POLL: variants seen among roughly 807,000 people sequenced by gnomAD.
POLL encodes the protein DNA polymerase lambda.
In POLL, 44 loss-of-function variants were observed where a neutral mutation model predicts 58.1. That is an observed-to-expected ratio of 0.76 (90% CI 0.60 to 0.97). The LOEUF is 0.97. Among genes scored for constraint, POLL ranks in the 50% least tolerant of loss-of-function variants. The pLI, the probability that POLL is intolerant of heterozygous loss-of-function variation, is 0.00. For missense variants in POLL, 632 were observed against 736.8 expected (o/e 0.86, Z 1.65); for synonymous variants, 290 against 283.2 (o/e 1.02, Z -0.24).
intron 2 of POLL, 113 bp from the exon 3 acceptor site, chr10:101,586,269 T>C: frequency 3.3e-6 from 3 of 914,644 alleles, no homozygotes; most frequent in African/African-American, 1.7e-5. Context: ...CACAGTCCCC[T>C]ACCCTGAAAA....
chr10:101,580,312 A>C lies in POLL; in HGVS notation c.1299T>G (p.Thr433=). The C allele has an allele frequency of 6.2e-7, 1 of 1,613,918 alleles. No individual in the cohort carries two copies. The highest frequency in any genetic ancestry group is 1.1e-5 in the South Asian group (1 of 91,074). The change falls in exon 8 of 9, where the codon ACT becomes ACG. Residue 433 remains threonine (T), a synonymous_variant. Transcript: ENST00000370162. The surrounding 1 kb of genome is among the most constrained non-coding windows in gnomAD (Gnocchi z 4.1). The stretch of plus-strand genomic sequence containing the variant: ...CCCGGTGGGACCGGCCATCTGGGTG[A>C]GTGATGAGCACGTCGACATCACCAC... The part of the protein sequence containing the change: ...ATCGDVDVLI[T]HPDGRSHRGI...
At chr10:101,581,852 C>G (rs2063010245) in intron 7 of POLL, 1 of 151,758 alleles carries the variant, frequency 6.6e-6, no homozygotes, top group African/African-American at 2.4e-5. Flanking sequence ...GTTGCCCAGG[C>G]TAGAGTGCAG....
Position 101,586,036 on chromosome 10 carries a change from C to T in POLL, c.236G>A (p.Gly79Asp), listed in dbSNP as rs754372306. The stretch of plus-strand genomic sequence containing the variant: ...TTCATCCACCACAATGTGAGTGACA[C>T]CTGGGCCCTGGGCAGGGCATAGCTG... ...GGQLCPAQGP[G>D]VTHIVVDEGM... is the part of the protein sequence containing the mutation. The change falls in exon 3 of 9, where the codon GGT (glycine) becomes GAT (aspartate). Residue 79 changes from glycine to aspartate, a missense_variant. Gly to Asp is a moderately conservative substitution (Grantham distance 94, BLOSUM62 -1). Transcript: ENST00000370162. 40 of 1,614,012 alleles carry T rather than the reference C, an allele frequency of 2.5e-5. No individual in the cohort carries two copies. The highest frequency in any genetic ancestry group is 3.0e-5 in the Non-Finnish European group (35 of 1,180,054).
intron 5 of POLL, 117 bp downstream of exon 5, chr10:101,584,485 T>C: frequency 1.7e-6 from 1 of 604,404 alleles, no homozygotes; most frequent in Non-Finnish European, 2.5e-6. Flanking sequence ...TTTTCCTTTT[T>C]TTTCTTTTGT....
chr10:101,579,478 C>T lies in POLL; in HGVS notation c.1703G>A (p.Arg568Gln), dbSNP rs573888152. 16 of 1,610,884 alleles carry T rather than the reference C, an allele frequency of 9.9e-6. No individual in the cohort carries two copies. The highest frequency in any genetic ancestry group is 3.3e-5 in the South Asian group (3 of 90,824). Residue 568 changes from arginine (R) to glutamine (Q), a missense_variant, in exon 9 of 9, where the codon CGA (arginine) becomes CAA (glutamine). Transcript: ENST00000370162. The surrounding 1 kb of genome is among the most constrained non-coding windows in gnomAD (Gnocchi z 4.4). ...TCACCAGTCCCGCTCAGCAGGTTCT[C>T]GGTAGGGGAGGCCTAAGAGCCTGAA... ...DVFRLLGLPY[R>Q]EPAERDW
At chr10:101,583,026 G>A in intron 6 of POLL, 135 bp from the exon 7 acceptor site, 1 of 959,560 alleles carries the variant, frequency 1.0e-6, no homozygotes, top group East Asian at 2.6e-5. Flanking sequence ...AGGGGCAGTT[G>A]GGTCTGTACT....
Position 101,583,561 on chromosome 10 carries a change from A to G in POLL, c.1012T>C (p.Phe338Leu). 1 of 1,613,942 alleles carries G rather than the reference A, an allele frequency of 6.2e-7. No homozygotes were observed. Among genetic ancestry groups the G allele is most frequent in the Admixed American group, 1.7e-5 (1 of 60,020 alleles). Residue 338 changes from phenylalanine to leucine, a missense_variant, in exon 6 of 9, where the codon TTC (phenylalanine) becomes CTC (leucine). Coordinates refer to ENST00000370162, the MANE Select transcript of POLL (RefSeq NM_001174084.2). ...GTCCCAGCTCCCCAGATGTTGGAGA[A>G]GAGCTCCAAGACAGGCACGCTCTCA... ...ISESVPVLEL[F>L]SNIWGAGTKT...
Position 101,579,728 on chromosome 10 carries a change from G to A in POLL, c.1453C>T (p.Arg485Trp), listed in dbSNP as rs140396238. ...GVCRLPGPGR[R>W]HRRLDIIVVP... is the part of the protein sequence containing the mutation. Reference sequence around the variant, plus strand: ...ACGATGATGTCCAGGCGCCGGTGCCGCCGCCCTGGCCCTGGGAGCCGGCAC... The same window carrying A: ...ACGATGATGTCCAGGCGCCGGTGCCACCGCCCTGGCCCTGGGAGCCGGCAC... The change falls in exon 9 of 9, where the codon CGG becomes TGG. Residue 485 changes from arginine (R) to tryptophan (W), a missense_variant. Physicochemically the swap from Arg to Trp is moderately radical, Grantham distance 101. Coordinates refer to ENST00000370162, the MANE Select transcript of POLL (RefSeq NM_001174084.2). The surrounding 1 kb of genome is among the most constrained non-coding windows in gnomAD (Gnocchi z 4.4). The A allele has an allele frequency of 2.4e-5, 38 of 1,613,626 alleles. No homozygotes were observed. Among genetic ancestry groups the A allele is most frequent in the African/African-American group, 6.7e-5 (5 of 74,906 alleles).
rs2062848098 is a variant in POLL at position 101,579,393 on chromosome 10, T to C, written c.*60A>G. 5.9e-6 allele frequency: 9 copies of C among 1,531,340 alleles called. No individual in the cohort carries two copies. Among genetic ancestry groups the C allele is most frequent in the African/African-American group, 1.4e-5 (1 of 72,404 alleles). 94.9% of individuals were successfully genotyped at this position (1,531,340 alleles called of 1,614,324 possible). ...AGCCAGCTGAGGCTGGAGGGAGTAC[T>C]GGGTGGCCAGGAGGGGTAGCCAGTC... On this transcript the variant is annotated 3_prime_UTR_variant, in exon 9 of 9. Transcript: ENST00000370162. This position sits in a 1 kb window ranked among gnomAD's most constrained non-coding sequence, Gnocchi z 4.4.
intron 3 of POLL, 37 bp from the exon 4 acceptor site, chr10:101,585,515 G>C: frequency 6.8e-7 from 1 of 1,471,084 alleles, no homozygotes; most frequent in Non-Finnish European, 9.1e-7. Flanking sequence ...GACACCAAAG[G>C]TCTCACCCTG....
At chr10:101,584,534 T>G in intron 5 of POLL, 68 bp downstream of exon 5, 3 of 1,150,402 alleles carry the variant, frequency 2.6e-6, no homozygotes, top group Non-Finnish European at 3.6e-6. Flanking sequence ...CCACTGTACC[T>G]GAACCCCACT....
At chr10:101,585,086 C>T (rs375142236) in intron 4 of POLL, among the ~76,000 whole-genome samples, 167 bp from the exon 5 acceptor site, 3 of 152,304 alleles carry the variant, frequency 2.0e-5, no homozygotes, top group South Asian at 2.1e-4. Flanking sequence ...TGTGAGGCCA[C>T]GTTCCCTTTG....
chr10:101,585,989 G>A lies in POLL; in HGVS notation c.283C>T (p.Leu95Phe). 6.2e-7 allele frequency: 1 copy of A among 1,614,126 alleles called. No individual in the cohort carries two copies. Among genetic ancestry groups the A allele is most frequent in the Non-Finnish European group, 8.5e-7 (1 of 1,180,030 alleles). Residue 95 changes from leucine to phenylalanine, a missense_variant, in exon 3 of 9, where the codon CTC (leucine) becomes TTC (phenylalanine). Transcript: ENST00000370162. Reference protein sequence around the residue: ...VDEGMDYERALRLLRLPQLPP... With the variant: ...VDEGMDYERAFRLLRLPQLPP... The stretch of plus-strand genomic sequence containing the variant: ...AGCTGGGGTAGTCTGAGAAGGCGGA[G>A]GGCTCGCTCATAGTCCATGCCTTCA...
Position 101,584,626 on chromosome 10 carries a change from G to C in POLL, c.867C>G (p.Phe289Leu). ...YAKAINALKSFHKPVTSYQEA... is the reference protein window; with the variant it reads ...YAKAINALKSLHKPVTSYQEA... ...CCTGGTACGAGGTGACAGGCTTATG[G>C]AAGCTCTTGAGGGCATTGATGGCCT... Residue 289 changes from phenylalanine (F) to leucine (L), a missense_variant, in exon 5 of 9, where the codon TTC becomes TTG. Physicochemically the swap from Phe to Leu is conservative, Grantham distance 22. Coordinates refer to ENST00000370162, the MANE Select transcript of POLL (RefSeq NM_001174084.2). 1 of 1,587,708 alleles carries C rather than the reference G, an allele frequency of 6.3e-7. No homozygotes were observed. Among genetic ancestry groups the C allele is most frequent in the Non-Finnish European group, 8.6e-7 (1 of 1,166,350 alleles).
intron 4 of POLL, 93 bp downstream of exon 4, chr10:101,585,223 G>T: frequency 5.4e-6 from 6 of 1,104,054 alleles, no homozygotes; most frequent in Non-Finnish European, 7.7e-6. Context: ...TCTCTCAGGG[G>T]CCTGGGACTT....
At chr10:101,586,873 AC>A (rs1159959529) in intron 2 of POLL, among the ~76,000 whole-genome samples, 1 of 152,160 alleles carries the variant, frequency 6.6e-6, no homozygotes, top group Non-Finnish European at 1.5e-5. Context: ...GACAGACCCG[AC>A]AACCCTGCCT....
Position 101,588,166 on chromosome 10 carries a change from G to C in POLL, c.-391C>G. Reference sequence around the variant, plus strand: ...CCGGGTGGGGTCGACTACTGGCCAAGCTAGTCACCCGGGGGTGGGCAGGAA... The same window carrying C: ...CCGGGTGGGGTCGACTACTGGCCAACCTAGTCACCCGGGGGTGGGCAGGAA... On this transcript the variant is annotated 5_prime_UTR_variant, in exon 1 of 9. Coordinates refer to ENST00000370162, the MANE Select transcript of POLL (RefSeq NM_001174084.2). The C allele has an allele frequency of 6.6e-7, 1 of 1,523,186 alleles. No homozygotes were observed. Among genetic ancestry groups the C allele is most frequent in the Non-Finnish European group, 8.8e-7 (1 of 1,137,272 alleles). The allele number at this position is 1,523,186 out of a possible 1,614,324, so 94.4% of individuals were successfully genotyped here.
At position 101,586,254 on chromosome 10, in the gene POLL, G is replaced by A. The variant is rs1249790238; in HGVS notation, c.116-98C>T. On this transcript the variant is annotated intron_variant, in intron 2 of 8. Transcript: ENST00000370162. ...TAACTTCTAACATGATCTGAATGACGTGTTCACAGTCCCCTACCCTGAAAA... is the reference window on the plus strand; with the variant it reads ...TAACTTCTAACATGATCTGAATGACATGTTCACAGTCCCCTACCCTGAAAA... The A allele has an allele frequency of 5.8e-6, 6 of 1,034,160 alleles. No homozygotes were observed. In the Admixed American group the frequency reaches 6.5e-5, roughly 11 times the overall value. The allele number at this position is 1,034,160 out of a possible 1,614,324, so 64.1% of individuals were successfully genotyped here. A position where few individuals can be genotyped will look rare whatever the true frequency, so the allele number is the denominator to read the frequency against.
In POLL at chr10:101,588,139, C is replaced by G. The variant is rs1340364909; in HGVS notation, c.-364G>C. 2.0e-6 allele frequency: 3 copies of G among 1,514,110 alleles called. No individual in the cohort carries two copies. Among genetic ancestry groups the G allele is most frequent in the Non-Finnish European group, 2.6e-6 (3 of 1,132,804 alleles). The allele number at this position is 1,514,110 out of a possible 1,614,324, so 93.8% of individuals were successfully genotyped here. ...AGTCTCTCCAACCCCCAGAGTCGGTCCCCGGGTGGGGTCGACTACTGGCCA... is the reference window on the plus strand; with the variant it reads ...AGTCTCTCCAACCCCCAGAGTCGGTGCCCGGGTGGGGTCGACTACTGGCCA... On this transcript the variant is annotated 5_prime_UTR_variant, in exon 1 of 9. Transcript: ENST00000370162.
Sources: allele counts gnomAD v4.1 joint callset (sites outside exome capture counted in the v4.1 genomes callset), GRCh38; gene constraint gnomAD v4.1.1; non-coding constraint Gnocchi (gnomAD v3.1); transcripts MANE v1.5; gene names NCBI Gene and HGNC (gene_info 2026-07-23, HGNC 2026-07-21).